CADM1: variants seen among roughly 807,000 people sequenced by gnomAD.
CADM1 encodes TSLC-1.
A neutral mutation model predicts 53.1 loss-of-function variants in CADM1; 15 were observed. The ratio of observed to expected loss-of-function variants is 0.28; its 90% CI spans 0.19 to 0.44. The LOEUF is 0.44. Ranked by LOEUF, CADM1 falls within the 20% of genes least tolerant of loss-of-function variation. The probability of loss-of-function intolerance (pLI) is 1.00; values close to 1 mark genes in which losing one functional copy is unlikely to be tolerated. For missense variants in CADM1, 434 were observed against 611.3 expected (o/e 0.71, Z 3.06); for synonymous variants, 281 against 243.0 (o/e 1.16, Z -1.45).
At chr11:115,304,436 T>C (rs1944310438) in intron 1 of CADM1, among the ~76,000 whole-genome samples, 1 of 152,020 alleles carries the variant, frequency 6.6e-6, no homozygotes, top group African/African-American at 2.4e-5. Flanking sequence ...AAAAAGTTCT[T>C]AGGATTATCT....
At chr11:115,335,316 C>CA (rs1424725673) in intron 1 of CADM1, among the ~76,000 whole-genome samples, 3 of 151,948 alleles carry the variant, frequency 2.0e-5, no homozygotes, top group East Asian at 1.9e-4. Context: ...TTTTCCACAG[C>CA]AAAAAAATTA....
chr11:115,333,818 TCA>T (rs932606861), intron 1 of CADM1, among the ~76,000 whole-genome samples: 2 of 152,068 alleles, frequency 1.3e-5, no homozygotes, highest in Admixed American at 1.3e-4. Flanking sequence ...GCGTATAGGC[TCA>T]CAGTCATTTC....
chr11:115,483,153 GAGTCTGAA>G (rs910822300), intron 1 of CADM1, among the ~76,000 whole-genome samples: 12 of 152,268 alleles, frequency 7.9e-5, no homozygotes, highest in African/African-American at 2.9e-4. Flanking sequence ...AAATAAAGAC[GAGTCTGAA>G]AATTATACGT....
chr11:115,393,188 T>C (rs1328402428), intron 1 of CADM1, among the ~76,000 whole-genome samples: 2 of 151,246 alleles, frequency 1.3e-5, no homozygotes, highest in East Asian at 3.9e-4. Context: ...GACAGAAGAC[T>C]GCAAATAATA....
chr11:115,367,027 G>C (rs1309023654), intron 1 of CADM1, among the ~76,000 whole-genome samples: 1 of 152,200 alleles, frequency 6.6e-6, no homozygotes, highest in Non-Finnish European at 1.5e-5. Flanking sequence ...ATGTTACCCA[G>C]ATATGCTGAA....
intron 3 of CADM1, among the ~76,000 whole-genome samples, chr11:115,233,100 G>T (rs1941881023): frequency 6.6e-6 from 1 of 152,180 alleles, no homozygotes; most frequent in South Asian, 2.1e-4. Context: ...AAAGTAAAAT[G>T]ATTTGTTGCA....
intron 1 of CADM1, among the ~76,000 whole-genome samples, chr11:115,431,662 T>C (rs1948055062): frequency 6.6e-6 from 1 of 152,080 alleles, no homozygotes; most frequent in Non-Finnish European, 1.5e-5. Flanking sequence ...CTCCAGCTAA[T>C]GGCTTTCTTT....
intron 1 of CADM1, among the ~76,000 whole-genome samples, chr11:115,442,182 G>A (rs1303141883): frequency 6.6e-6 from 1 of 151,686 alleles, no homozygotes; most frequent in East Asian, 1.9e-4. Context: ...GACAAACAAG[G>A]ATTAGACCCT....
At chr11:115,431,047 A>G (rs1948034179) in intron 1 of CADM1, among the ~76,000 whole-genome samples, 1 of 152,248 alleles carries the variant, frequency 6.6e-6, no homozygotes, top group East Asian at 1.9e-4. Context: ...TAGAGTTGCA[A>G]CTGAGTACTT....
intron 5 of CADM1, among the ~76,000 whole-genome samples, chr11:115,225,979 CCAATAGTA>C (rs1353120375): frequency 6.6e-6 from 1 of 151,784 alleles, no homozygotes; most frequent in Non-Finnish European, 1.5e-5. Flanking sequence ...ATATTTAATA[CCAATAGTA>C]TCAGATTAGA....
At chr11:115,359,358 G>A (rs1030518987) in intron 1 of CADM1, among the ~76,000 whole-genome samples, 1 of 152,030 alleles carries the variant, frequency 6.6e-6, no homozygotes, top group African/African-American at 2.4e-5. Flanking sequence ...GAAATTTCTT[G>A]TAATTCTCAC....
chr11:115,280,940 A>G (rs1278471340), intron 1 of CADM1, among the ~76,000 whole-genome samples: 1 of 152,244 alleles, frequency 6.6e-6, no homozygotes, highest in East Asian at 1.9e-4. Context: ...GAAACTGCAC[A>G]TCTCCCTAGA....
intron 1 of CADM1, among the ~76,000 whole-genome samples, chr11:115,437,476 A>T (rs1186748024): frequency 6.6e-6 from 1 of 152,234 alleles, no homozygotes; most frequent in Non-Finnish European, 1.5e-5. Flanking sequence ...GGATATTTCT[A>T]CAAAAACAAA....
chr11:115,244,580 T>A (rs539849881), intron 1 of CADM1, among the ~76,000 whole-genome samples: 2 of 152,250 alleles, frequency 1.3e-5, no homozygotes, highest in East Asian at 3.9e-4. Flanking sequence ...GACAGAGCGA[T>A]TTAAATAAAC....
At chr11:115,254,616 T>TA (rs1942722478) in intron 1 of CADM1, among the ~76,000 whole-genome samples, 1 of 150,512 alleles carries the variant, frequency 6.6e-6, no homozygotes, top group African/African-American at 2.5e-5. Context: ...CGCATACTTG[T>TA]AAGTCACAAG....
chr11:115,188,524 C>A (rs1939687128), intron 10 of CADM1, among the ~76,000 whole-genome samples: 1 of 151,872 alleles, frequency 6.6e-6, no homozygotes, highest in Non-Finnish European at 1.5e-5. Context: ...GAGGTCGGGG[C>A]AAAGGGGACA....
At chr11:115,490,614 G>A (rs7940884) in intron 1 of CADM1, among the ~76,000 whole-genome samples, 2 of 152,066 alleles carry the variant, frequency 1.3e-5, no homozygotes, top group African/African-American at 4.8e-5. Flanking sequence ...TGGCCAGGCC[G>A]ATCTCGAACT....
intron 1 of CADM1, among the ~76,000 whole-genome samples, chr11:115,368,734 G>A (rs2135117741): frequency 6.6e-6 from 1 of 152,032 alleles, no homozygotes; most frequent in Non-Finnish European, 1.5e-5. Context: ...CATATTTTGT[G>A]GGTAAATAAA....
chr11:115,371,597 G>T (rs557442432), intron 1 of CADM1, among the ~76,000 whole-genome samples: 1 of 150,400 alleles, frequency 6.6e-6, no homozygotes, highest in Non-Finnish European at 1.5e-5. Flanking sequence ...AAAAGTAAAT[G>T]ATCTAAACAC....
Sources: gnomAD v4.1 joint callset for allele counts (sites outside exome capture counted in the v4.1 genomes callset) on GRCh38, gnomAD v4.1.1 for gene constraint, MANE v1.5 for transcripts, NCBI Gene and HGNC (gene_info 2026-07-23, HGNC 2026-07-21) for gene names.